The following MBNL1 variants were observed in gnomAD, a reference collection of about 807,000 sequenced individuals.
The protein encoded by MBNL1 is muscleblind-like protein 1.
In MBNL1, 8 loss-of-function variants were observed where a neutral mutation model predicts 42.2. That is an observed-to-expected ratio of 0.19 (90% CI 0.11 to 0.34). The LOEUF is 0.34. Among genes scored for constraint, MBNL1 ranks in the 10% least tolerant of loss-of-function variants. The pLI, the probability that MBNL1 is intolerant of heterozygous loss-of-function variation, is 1.00. For missense variants in MBNL1, 309 were observed against 495.3 expected (o/e 0.62, Z 3.57); for synonymous variants, 169 against 173.9 (o/e 0.97, Z 0.22).
At chr3:152,351,398 T>G (rs2094963608) in intron 2 of MBNL1, among the ~76,000 whole-genome samples, 1 of 152,208 alleles carries the variant, frequency 6.6e-6, no homozygotes, top group Non-Finnish European at 1.5e-5. Flanking sequence ...CAAAAATAAC[T>G]CTAAGCAAAA....
intron 6 of MBNL1, among the ~76,000 whole-genome samples, chr3:152,449,041 C>T (rs1716264516): frequency 6.6e-6 from 1 of 152,138 alleles, no homozygotes; most frequent in South Asian, 2.1e-4. Flanking sequence ...TTATAACTTT[C>T]TTCTCAACAT....
intron 2 of MBNL1, chr3:152,334,978 A>G: frequency 1.4e-6 from 1 of 718,510 alleles, no homozygotes; most frequent in Non-Finnish European, 1.9e-6. Context: ...GTAAATAAGA[A>G]TGCTTTGGCT....
rs115059462 is a variant in MBNL1 at position 152,279,495 on chromosome 3, T to G, written c.-790+10403T>G. ...AAGTCAAGAAGATAGAAATTTTATTTAAAAGGCTGTCAAATGTATTTTCAT... is the reference window on the plus strand; with the variant it reads ...AAGTCAAGAAGATAGAAATTTTATTGAAAAGGCTGTCAAATGTATTTTCAT... On this transcript the variant is annotated intron_variant, in intron 1 of 9. Transcript: ENST00000324210. Among the ~76,000 whole-genome samples, 865 of 137,458 alleles carry G rather than the reference T, an allele frequency of 6.3e-3. 9 individuals are homozygous for G. The highest frequency in any genetic ancestry group is 0.023 in the African/African-American group (836 of 35,888). The allele number at this position is 137,458 out of a possible 152,430, so 90.2% of individuals were successfully genotyped here.
intron 1 of MBNL1, among the ~76,000 whole-genome samples, chr3:152,278,488 A>T (rs1413265272): frequency 6.6e-6 from 1 of 152,168 alleles, no homozygotes; most frequent in Non-Finnish European, 1.5e-5. Flanking sequence ...GAAAGACTTT[A>T]GAAAAAATAT....
intron 3 of MBNL1, among the ~76,000 whole-genome samples, chr3:152,423,860 A>G (rs1024970095): frequency 1.3e-5 from 2 of 152,218 alleles, no homozygotes; most frequent in African/African-American, 2.4e-5. Flanking sequence ...GATGCAGAAA[A>G]GGCTTTTAAT....
At position 152,430,398 on chromosome 3, in the gene MBNL1, TAG is replaced by T. The variant is rs1266831593; in HGVS notation, c.346-2318_346-2317del. Reference sequence around the variant, plus strand: ...CTATCTGGAAATACATGTTTATTCATAGTAAAAGAATGCAAAGAGGAATGATA... The same window carrying T: ...CTATCTGGAAATACATGTTTATTCATTAAAAGAATGCAAAGAGGAATGATA... On this transcript the variant is annotated intron_variant, in intron 3 of 9. Coordinates refer to ENST00000324210, the MANE Select transcript of MBNL1 (RefSeq NM_021038.5). 9.2e-5 allele frequency among the ~76,000 whole-genome samples: 14 copies of T among 152,346 alleles called. No homozygotes were observed. The East Asian group carries it at 2.7e-3, about 29-fold the overall frequency.
chr3:152,371,016 A>T (rs1045948041), intron 2 of MBNL1, among the ~76,000 whole-genome samples: 3 of 152,006 alleles, frequency 2.0e-5, no homozygotes, highest in Non-Finnish European at 4.4e-5. Context: ...TAATATTGTT[A>T]TGTGTGAGTT....
chr3:152,288,165 A>G (rs2053680546), intron 1 of MBNL1, among the ~76,000 whole-genome samples: 1 of 152,222 alleles, frequency 6.6e-6, no homozygotes, highest in African/African-American at 2.4e-5. Flanking sequence ...ATTCACTTTC[A>G]GGTACTTTAT....
At chr3:152,266,209 T>C (rs548148326), upstream of MBNL1, 20 of 152,356 alleles carry the variant, frequency 1.3e-4, no homozygotes, top group Admixed American at 1.2e-3. Flanking sequence ...CATTCTGTTT[T>C]TCTGTATCTA....
At chr3:152,261,754 T>C (rs975549702) in intron 2 of MBNL1, among the ~76,000 whole-genome samples, 1 of 152,198 alleles carries the variant, frequency 6.6e-6, no homozygotes. Flanking sequence ...TTTCTCCTCA[T>C]GTTGCTAGGA....
chr3:152,422,157 C>A (rs1408863798), intron 3 of MBNL1, among the ~76,000 whole-genome samples: 2 of 151,672 alleles, frequency 1.3e-5, no homozygotes, highest in Non-Finnish European at 2.9e-5. Flanking sequence ...AGAGTCAAGA[C>A]CCATCAGTGT....
chr3:152,386,285 T>A (rs138350099), intron 2 of MBNL1, among the ~76,000 whole-genome samples: 195 of 152,182 alleles, frequency 1.3e-3, no homozygotes, highest in African/African-American at 4.3e-3. Context: ...AACAAGAGAA[T>A]GCATTTGATG....
chr3:152,372,013 T>G (rs978824933), intron 2 of MBNL1, among the ~76,000 whole-genome samples: 43 of 152,240 alleles, frequency 2.8e-4, no homozygotes, highest in Non-Finnish European at 5.9e-5. Context: ...TCATTCATTT[T>G]TCTCTAATCT....
At chr3:152,431,437 C>T (rs2099005714) in intron 3 of MBNL1, among the ~76,000 whole-genome samples, 1 of 152,118 alleles carries the variant, frequency 6.6e-6, no homozygotes, top group Non-Finnish European at 1.5e-5. Flanking sequence ...TTCTTTTGTA[C>T]TATAAGAATT....
intron 2 of MBNL1, among the ~76,000 whole-genome samples, chr3:152,387,907 T>A (rs2097521366): frequency 6.6e-6 from 1 of 152,216 alleles, no homozygotes; most frequent in South Asian, 2.1e-4. Flanking sequence ...GTATTATTAA[T>A]AACTTAGATG....
At chr3:152,412,182 A>G (rs753961717) in intron 2 of MBNL1, among the ~76,000 whole-genome samples, 8 of 152,246 alleles carry the variant, frequency 5.3e-5, no homozygotes, top group Non-Finnish European at 1.0e-4. Flanking sequence ...TTGTCAAACT[A>G]TAATCATTCA....
At chr3:152,391,208 T>C (rs2097701925) in intron 2 of MBNL1, among the ~76,000 whole-genome samples, 1 of 152,240 alleles carries the variant, frequency 6.6e-6, no homozygotes. Context: ...TTTGAGTTCC[T>C]ACTATTAAGC....
At chr3:152,296,762 T>A (rs2058702750) in intron 1 of MBNL1, among the ~76,000 whole-genome samples, 1 of 152,144 alleles carries the variant, frequency 6.6e-6, no homozygotes, top group African/African-American at 2.4e-5. Context: ...CATGTGTGTG[T>A]GTTTGTATAT....
At chr3:152,274,312 A>G (rs1389488453) in intron 1 of MBNL1, among the ~76,000 whole-genome samples, 2 of 152,218 alleles carry the variant, frequency 1.3e-5, no homozygotes, top group East Asian at 1.9e-4. Flanking sequence ...GTGAATACAT[A>G]TTGTGAAAAA....
Sources: gnomAD v4.1 joint callset for allele counts (sites outside exome capture counted in the v4.1 genomes callset) on GRCh38, gnomAD v4.1.1 for gene constraint, MANE v1.5 for transcripts, NCBI Gene and HGNC (gene_info 2026-07-23, HGNC 2026-07-21) for gene names.